Variants in BRINP1 observed in about 807,000 individuals in gnomAD.
BRINP1 encodes the protein BMP/retinoic acid-inducible neural-specific protein 1.
In BRINP1, 17 loss-of-function variants were observed where a neutral mutation model predicts 72.9. The ratio of observed to expected loss-of-function variants is 0.23; its 90% CI spans 0.16 to 0.35. BRINP1 has a LOEUF of 0.35. Ranked by LOEUF, BRINP1 falls within the 10% of genes least tolerant of loss-of-function variation. The probability of loss-of-function intolerance (pLI) is 1.00; values close to 1 mark genes in which losing one functional copy is unlikely to be tolerated. For missense variants in BRINP1, 850 were observed against 1,001.6 expected, an observed-to-expected ratio of 0.85 and a Z score of 2.04; for synonymous variants, 418 against 378.5, an observed-to-expected ratio of 1.10 and a Z score of -1.21.
At chr9:119,322,593 G>C (rs1284692557) in intron 1 of BRINP1, among the ~76,000 whole-genome samples, 1 of 152,204 alleles carries the variant, frequency 6.6e-6, no homozygotes, top group Non-Finnish European at 1.5e-5. Context: ...TGGGCCAGAG[G>C]TAGAAGGGAA....
chr9:119,331,933 G>A (rs190708319), intron 1 of BRINP1, among the ~76,000 whole-genome samples: 36 of 152,266 alleles, frequency 2.4e-4, no homozygotes, highest in East Asian at 1.9e-3. Flanking sequence ...TAAATTCTCC[G>A]GTGAATGTTA....
intron 2 of BRINP1, among the ~76,000 whole-genome samples, chr9:119,289,956 A>G (rs1830805707): frequency 6.6e-6 from 1 of 151,982 alleles, no homozygotes; most frequent in Non-Finnish European, 1.5e-5. Flanking sequence ...CCAAGCTTAC[A>G]CTCTTGCTCC....
intron 1 of BRINP1, among the ~76,000 whole-genome samples, chr9:119,320,587 T>C (rs1176073153): frequency 6.6e-6 from 1 of 152,116 alleles, no homozygotes; most frequent in Non-Finnish European, 1.5e-5. Flanking sequence ...GAGGTGCTGC[T>C]TTCTATGCGA....
At chr9:119,219,611 G>C (rs1830016675) in intron 5 of BRINP1, among the ~76,000 whole-genome samples, 2 of 150,888 alleles carry the variant, frequency 1.3e-5, no homozygotes, top group Admixed American at 1.3e-4. Flanking sequence ...GAATGAGGCA[G>C]ACAACTCCCT....
At chr9:119,294,491 A>G (rs1830853507) in intron 2 of BRINP1, among the ~76,000 whole-genome samples, 1 of 152,044 alleles carries the variant, frequency 6.6e-6, no homozygotes, top group Non-Finnish European at 1.5e-5. Flanking sequence ...ATACCACTGC[A>G]CTCCAGCCTT....
At chr9:119,311,904 A>AC (rs1324839965) in intron 2 of BRINP1, among the ~76,000 whole-genome samples, 6 of 152,266 alleles carry the variant, frequency 3.9e-5, no homozygotes, top group Admixed American at 1.3e-4. Flanking sequence ...CAGTGTGTAG[A>AC]CCCTAGCTCC....
chr9:119,227,645 T>C (rs1445150022), intron 5 of BRINP1, among the ~76,000 whole-genome samples: 3 of 152,080 alleles, frequency 2.0e-5, no homozygotes, highest in Non-Finnish European at 4.4e-5. Context: ...GCATGAGCCA[T>C]TGCTTGTGAC....
intron 1 of BRINP1, among the ~76,000 whole-genome samples, chr9:119,358,415 C>T (rs931223666): frequency 2.8e-5 from 4 of 144,986 alleles, no homozygotes; most frequent in Admixed American, 1.4e-4. Context: ...AAGGAGAGTC[C>T]AGGCATAGTG....
intron 1 of BRINP1, among the ~76,000 whole-genome samples, chr9:119,364,007 G>A (rs1311630392): frequency 1.4e-5 from 2 of 141,054 alleles, no homozygotes; most frequent in Non-Finnish European, 3.0e-5. Flanking sequence ...TCAATTTCAG[G>A]TCATCCCTCC....
chr9:119,272,377 C>T (rs1830616572), intron 2 of BRINP1, among the ~76,000 whole-genome samples: 1 of 152,114 alleles, frequency 6.6e-6, no homozygotes. Flanking sequence ...GCCACTGCGC[C>T]CGGCAGGAAA....
At chr9:119,350,354 G>T (rs1831494707) in intron 1 of BRINP1, among the ~76,000 whole-genome samples, 2 of 152,140 alleles carry the variant, frequency 1.3e-5, no homozygotes, top group Non-Finnish European at 2.9e-5. Context: ...GCTCTTGAGG[G>T]TTAATAACTT....
At chr9:119,255,229 A>T (rs1564230050) in intron 2 of BRINP1, among the ~76,000 whole-genome samples, 1 of 152,256 alleles carries the variant, frequency 6.6e-6, no homozygotes. Flanking sequence ...CTGAGTGCAC[A>T]GAACAAGCAA....
intron 6 of BRINP1, among the ~76,000 whole-genome samples, chr9:119,211,415 T>A (rs1184350035): frequency 6.6e-6 from 1 of 152,188 alleles, no homozygotes; most frequent in East Asian, 1.9e-4. Context: ...CAGGCTGGTC[T>A]CGAACTCCTG....
intron 5 of BRINP1, among the ~76,000 whole-genome samples, chr9:119,225,479 G>C (rs1266170475): frequency 2.0e-5 from 3 of 151,848 alleles, no homozygotes; most frequent in Admixed American, 6.6e-5. Context: ...ATAATCCCTA[G>C]ATTACTTATG....
At position 119,189,478 on chromosome 9, in the gene BRINP1, A is replaced by G. The variant is rs1829660931; in HGVS notation, c.1145+19241T>C. On this transcript the variant is annotated intron_variant, in intron 7 of 7. Transcript: ENST00000265922. ...TGAAAGTGAAGGGATGTAAGAAGACATTTCTTGCAAATAGTAGTCAAAAGA... is the reference window on the plus strand; with the variant it reads ...TGAAAGTGAAGGGATGTAAGAAGACGTTTCTTGCAAATAGTAGTCAAAAGA... 2.0e-5 allele frequency among the ~76,000 whole-genome samples: 3 copies of G among 152,160 alleles called. No homozygotes were observed. The South Asian group carries it at 6.2e-4, about 32-fold the overall frequency.
chr9:119,277,572 T>C (rs1429136785), intron 2 of BRINP1, among the ~76,000 whole-genome samples: 32 of 152,178 alleles, frequency 2.1e-4, no homozygotes, highest in Non-Finnish European at 1.5e-5. Context: ...CATTACTGAT[T>C]ACAAGAGAGG....
chr9:119,168,935 G>A (rs933750663), intron 7 of BRINP1, among the ~76,000 whole-genome samples: 9 of 152,144 alleles, frequency 5.9e-5, no homozygotes, highest in African/African-American at 1.9e-4. Flanking sequence ...GATTCCTCAA[G>A]GAGCTACAAT....
At chr9:119,180,876 G>A (rs1829548945) in intron 7 of BRINP1, among the ~76,000 whole-genome samples, 1 of 152,126 alleles carries the variant, frequency 6.6e-6, no homozygotes, top group Non-Finnish European at 1.5e-5. Context: ...GAAGGTAATA[G>A]GTCTTACTGG....
chr9:119,186,573 G>A (rs972462394), intron 7 of BRINP1, among the ~76,000 whole-genome samples: 5 of 152,018 alleles, frequency 3.3e-5, no homozygotes, highest in Admixed American at 3.3e-4. Context: ...TTGGAGCTTT[G>A]GCCCAGGGAG....
Sources: gnomAD v4.1 joint callset for allele counts (sites outside exome capture counted in the v4.1 genomes callset) on GRCh38, gnomAD v4.1.1 for gene constraint, MANE v1.5 for transcripts, NCBI Gene and HGNC (gene_info 2026-07-23, HGNC 2026-07-21) for gene names.